Variants in SUSD1 observed in about 807,000 individuals in gnomAD.
The protein encoded by SUSD1 is sushi domain containing 1, also known as sushi domain-containing protein 1.
A neutral mutation model predicts 86.9 loss-of-function variants in SUSD1; 65 were observed. The observed-to-expected ratio is 0.75, with a 90% CI of 0.61 to 0.92. The LOEUF is 0.92. Ranked by LOEUF, SUSD1 falls within the 40% of genes least tolerant of loss-of-function variation. SUSD1 has a pLI of 0.00. For synonymous variants in SUSD1, 346 were observed against 350.0 expected (o/e 0.99, Z 0.13); for missense variants, 850 against 929.7 (o/e 0.91, Z 1.11).
At chr9:112,046,027 G>A (rs1291548453) in intron 15 of SUSD1, among the ~76,000 whole-genome samples, 1 of 152,172 alleles carries the variant, frequency 6.6e-6, no homozygotes, top group Admixed American at 6.5e-5. Context: ...ACATAGTATT[G>A]GAAAATGATC....
At chr9:112,085,237 A>G (rs1426556268) in intron 10 of SUSD1, among the ~76,000 whole-genome samples, 1 of 152,232 alleles carries the variant, frequency 6.6e-6, no homozygotes, top group Non-Finnish European at 1.5e-5. Context: ...TGCCCATAAC[A>G]TGCATTTCAC....
rs764351525 is a variant in SUSD1, at chr9:112,058,495, T to A, written c.2042A>T (p.Tyr681Phe). ...IGDRLYYGEY[Y>F]NAPLKRGSDY... ...ACTCCCTCTTTTCAAGGGTGCATTA[T>A]AATATTCCCCATAGTACAGCCTGTC... Residue 681 changes from tyrosine to phenylalanine, a missense_variant, in exon 14 of 17, where the codon TAT (tyrosine) becomes TTT (phenylalanine). Transcript: ENST00000374270. 1.9e-6 allele frequency: 3 copies of A among 1,614,088 alleles called. No individual in the cohort carries two copies.
chr9:112,143,620 A>T lies in SUSD1; in HGVS notation c.377T>A (p.Ile126Lys), dbSNP rs749729436. 1 of 1,612,010 alleles carries T rather than the reference A, an allele frequency of 6.2e-7. No homozygotes were observed. Among genetic ancestry groups the T allele is most frequent in the Non-Finnish European group, 8.5e-7 (1 of 1,179,292 alleles). Reference protein sequence around the residue: ...IPNDGTFCTDIDECEVSGLCR... With the variant: ...IPNDGTFCTDKDECEVSGLCR... ...CAGGCCAGAAACTTCACACTCATCT[A>T]TGTCTTGGGACCCAATCCAAATAGA... Residue 126 changes from isoleucine (I) to lysine (K), a missense_variant, in exon 4 of 17, where the codon ATA (isoleucine) becomes AAA (lysine). Coordinates refer to ENST00000374270, the MANE Select transcript of SUSD1 (RefSeq NM_022486.5).
intron 9 of SUSD1, among the ~76,000 whole-genome samples, chr9:112,099,708 G>A (rs963434231): frequency 6.6e-6 from 1 of 152,140 alleles, no homozygotes; most frequent in Non-Finnish European, 1.5e-5. Context: ...ACATATGCTC[G>A]GTGTTGCCAC....
chr9:112,050,849 C>A (rs1352712886), intron 15 of SUSD1, among the ~76,000 whole-genome samples: 2 of 152,210 alleles, frequency 1.3e-5, no homozygotes, highest in East Asian at 3.8e-4. Context: ...AAAACAAAGA[C>A]CTGTGATTGC....
intron 12 of SUSD1, among the ~76,000 whole-genome samples, chr9:112,070,625 T>C (rs1829227587): frequency 6.6e-6 from 1 of 152,208 alleles, no homozygotes; most frequent in African/African-American, 2.4e-5. Context: ...CATCCTCGGA[T>C]GTCAGGAATA....
intron 5 of SUSD1, among the ~76,000 whole-genome samples, chr9:112,136,056 C>A (rs1564326637): frequency 6.6e-6 from 1 of 152,196 alleles, no homozygotes; most frequent in East Asian, 1.9e-4. Flanking sequence ...CAAATGACTT[C>A]AACCATTTAC....
At chr9:112,125,542 G>GAAA (rs5899987) in intron 5 of SUSD1, among the ~76,000 whole-genome samples, 1 of 142,180 alleles carries the variant, frequency 7.0e-6, no homozygotes. Flanking sequence ...AACGCAGAAA[G>GAAA]AAAAAAAAAA....
chr9:112,044,929 A>G (rs1827891074), intron 15 of SUSD1, among the ~76,000 whole-genome samples: 1 of 152,244 alleles, frequency 6.6e-6, no homozygotes, highest in Admixed American at 6.5e-5. Flanking sequence ...AGTGTTACAG[A>G]TTAATAAAGA....
At chr9:112,090,319 C>T (rs750504482) in intron 10 of SUSD1, among the ~76,000 whole-genome samples, 2 of 152,060 alleles carry the variant, frequency 1.3e-5, no homozygotes, top group Non-Finnish European at 2.9e-5. Flanking sequence ...ACAGAAAAAG[C>T]TTAAACCGAC....
At chr9:112,162,266 C>T (rs1326254157) in intron 1 of SUSD1, among the ~76,000 whole-genome samples, 1 of 152,056 alleles carries the variant, frequency 6.6e-6, no homozygotes, top group East Asian at 1.9e-4. Flanking sequence ...CACTTGGGGG[C>T]TAATATAATT....
At position 112,124,342 on chromosome 9, in the gene SUSD1, T is replaced by C; in HGVS notation, c.801A>G (p.Gln267=). ...RLGGVARYVC[Q]EGFESPGGKI... ...TTCCTCCAGGGCTCTCAAAGCCCTC[T>C]TGACAGACATAGCGAGCCACACCGC... The change falls in exon 6 of 17, where the codon CAA becomes CAG. Residue 267 remains glutamine, a synonymous_variant. Coordinates refer to ENST00000374270, the MANE Select transcript of SUSD1 (RefSeq NM_022486.5). 3 of 1,614,190 alleles carry C rather than the reference T, an allele frequency of 1.9e-6. No homozygotes were observed. The highest frequency in any genetic ancestry group is 2.5e-6 in the Non-Finnish European group (3 of 1,180,006).
At chr9:112,091,504 A>G (rs1370720630) in intron 10 of SUSD1, among the ~76,000 whole-genome samples, 8 of 152,210 alleles carry the variant, frequency 5.3e-5, no homozygotes, top group African/African-American at 1.9e-4. Context: ...AAACTTACCA[A>G]CATTATTTTG....
chr9:112,074,432 C>T (rs1298760541), intron 12 of SUSD1, among the ~76,000 whole-genome samples: 3 of 152,140 alleles, frequency 2.0e-5, no homozygotes, highest in South Asian at 2.1e-4. Context: ...ATCTCACCCA[C>T]CCCCTCGCCA....
chr9:112,091,847 A>T (rs1005888478), intron 10 of SUSD1, among the ~76,000 whole-genome samples: 1 of 152,196 alleles, frequency 6.6e-6, no homozygotes, highest in Non-Finnish European at 1.5e-5. Context: ...TTCTTTAGAC[A>T]AATTTGGTAT....
At chr9:112,148,045 G>A (rs1832882408) in intron 3 of SUSD1, among the ~76,000 whole-genome samples, 2 of 152,336 alleles carry the variant, frequency 1.3e-5, no homozygotes, top group East Asian at 1.9e-4. Flanking sequence ...GGTCAAGAGG[G>A]AGGATGAATC....
chr9:112,042,228 T>C (rs1034813464), intron 15 of SUSD1: 6 of 1,394,296 alleles, frequency 4.3e-6, no homozygotes, highest in Non-Finnish European at 5.9e-6. Context: ...GCTAATCTTG[T>C]TGAGCACACA....
intron 10 of SUSD1, 64 bp from the exon 11 acceptor site, chr9:112,080,229 G>C: frequency 8.4e-7 from 1 of 1,192,844 alleles, no homozygotes; most frequent in African/African-American, 1.5e-5. Flanking sequence ...CCTTTTAATT[G>C]AGCCATTTTT....
chr9:112,090,586 T>C (rs1230555915), intron 10 of SUSD1, among the ~76,000 whole-genome samples: 1 of 152,050 alleles, frequency 6.6e-6, no homozygotes, highest in Admixed American at 6.6e-5. Context: ...TAGACCAACA[T>C]TACTTATAAA....
Sources: allele counts gnomAD v4.1 joint callset (sites outside exome capture counted in the v4.1 genomes callset), GRCh38; gene constraint gnomAD v4.1.1; transcripts MANE v1.5; gene names NCBI Gene and HGNC (gene_info 2026-07-23, HGNC 2026-07-21).